TSPAN17: variants seen among roughly 807,000 people sequenced by gnomAD.
TSPAN17 encodes the protein tetraspanin-17.
TSPAN17 carries 33 observed loss-of-function variants against 40.5 expected under a neutral mutation model. The ratio of observed to expected loss-of-function variants is 0.81; its 90% CI spans 0.62 to 1.09. TSPAN17 has a LOEUF of 1.09. Among genes scored for constraint, TSPAN17 ranks in the 50% least tolerant of loss-of-function variants. The pLI is 0.00. For synonymous variants in TSPAN17, 166 were observed against 169.4 expected (o/e 0.98, Z 0.15); for missense variants, 365 against 416.8 (o/e 0.88, Z 1.08).
chr5:176,654,840 G>A lies in TSPAN17; in HGVS notation c.457-55G>A. On this transcript the variant is annotated intron_variant, in intron 4 of 8. Transcript: ENST00000508164. The surrounding 1 kb of genome is among the most constrained non-coding windows in gnomAD (Gnocchi z 4.3). ...GCAGCCTGGGCTTGTTCCCAAACAG[G>A]GTGAGGCTCCTGGGATGGGCCTGGC... is the stretch of plus-strand genomic sequence containing the variant. 6.2e-7 allele frequency: 1 copy of A among 1,601,370 alleles called. No individual in the cohort carries two copies. The highest frequency in any genetic ancestry group is 2.2e-5 in the East Asian group (1 of 44,622).
At chr5:176,657,172 C>T (rs537714468) in intron 8 of TSPAN17, 39 of 622,938 alleles carry the variant, frequency 6.3e-5, no homozygotes, top group Non-Finnish European at 1.0e-4. Context: ...TGCGTGTGTA[C>T]ACACACATGC....
Position 176,647,526 on chromosome 5 carries a change from G to C in TSPAN17, c.-90G>C. ...CCATGAAGCCGCAGCCGCCCGGCTA[G>C]GCCCCGGGCGGCTCTAGCCCAGGGC... On this transcript the variant is annotated 5_prime_UTR_variant, in exon 1 of 9. An upstream open reading frame in the 5' UTR loses its in-frame stop. Coordinates refer to ENST00000508164, the MANE Select transcript of TSPAN17 (RefSeq NM_130465.5). 2.0e-6 allele frequency: 2 copies of C among 1,021,374 alleles called. No homozygotes were observed. The highest frequency in any genetic ancestry group is 2.6e-6 in the Non-Finnish European group (2 of 765,002). The allele number at this position is 1,021,374 out of a possible 1,614,324, so 63.3% of individuals were successfully genotyped here. A position where few individuals can be genotyped will look rare whatever the true frequency, so the allele number is the denominator to read the frequency against.
Position 176,652,724 on chromosome 5 carries a change from T to G in TSPAN17, c.286-19T>G. The G allele has an allele frequency of 6.2e-7, 1 of 1,613,582 alleles. No individual in the cohort carries two copies. The highest frequency in any genetic ancestry group is 8.5e-7 in the Non-Finnish European group (1 of 1,179,590). On this transcript the variant is annotated intron_variant, in intron 3 of 8. Coordinates refer to ENST00000508164, the MANE Select transcript of TSPAN17 (RefSeq NM_130465.5). Reference sequence around the variant, plus strand: ...AGCCCTGCGTTTCCAACCCCTACTGTCTGTATGCCCAACCCCAGTTCTCCG... The same window carrying G: ...AGCCCTGCGTTTCCAACCCCTACTGGCTGTATGCCCAACCCCAGTTCTCCG...
intron 1 of TSPAN17, among the ~76,000 whole-genome samples, chr5:176,649,449 CAG>C (rs1422744124): frequency 1.3e-5 from 2 of 149,512 alleles, no homozygotes; most frequent in East Asian, 1.9e-4. Flanking sequence ...TTTTTTGAGA[CAG>C]AGTTTTGCTC....
intron 5 of TSPAN17, 47 bp from the exon 6 acceptor site, chr5:176,656,031 A>G (rs750804476): frequency 6.3e-7 from 1 of 1,585,536 alleles, no homozygotes; most frequent in Admixed American, 1.7e-5. Flanking sequence ...CATGGACCCC[A>G]TGGGATGCGT....
Position 176,654,889 on chromosome 5 carries a change from C to G in TSPAN17, c.457-6C>G. On this transcript the variant is annotated splice_polypyrimidine_tract_variant and splice_region_variant and intron_variant, in intron 4 of 8. Transcript: ENST00000508164. The surrounding 1 kb of genome is among the most constrained non-coding windows in gnomAD (Gnocchi z 4.3). Reference sequence around the variant, plus strand: ...GCTCACCTGGGGCTCTCCCCTGCCCCCACAGTGGTCTTGCTGCGGAGCCCG... The same window carrying G: ...GCTCACCTGGGGCTCTCCCCTGCCCGCACAGTGGTCTTGCTGCGGAGCCCG... 6.2e-7 allele frequency: 1 copy of G among 1,613,690 alleles called. No homozygotes were observed. The highest frequency in any genetic ancestry group is 8.5e-7 in the Non-Finnish European group (1 of 1,179,812).
rs983334543 is a variant in TSPAN17, at chr5:176,651,528, T to C, written c.88-88T>C. The C allele has an allele frequency of 1.4e-6, 2 of 1,433,484 alleles. No homozygotes were observed. Among genetic ancestry groups the C allele is most frequent in the Non-Finnish European group, 1.9e-6 (2 of 1,067,544 alleles). The allele number at this position is 1,433,484 out of a possible 1,614,324, so 88.8% of individuals were successfully genotyped here. ...CCCTTGTGCCTCTTCCTCTCTCCGC[T>C]GGAAAGGCCCTGGCTACCGGGGAAG... On this transcript the variant is annotated intron_variant, in intron 1 of 8. Coordinates refer to ENST00000508164, the MANE Select transcript of TSPAN17 (RefSeq NM_130465.5). The surrounding 1 kb of genome is among the most constrained non-coding windows in gnomAD (Gnocchi z 4.5).
intron 4 of TSPAN17, chr5:176,653,181 A>C: frequency 2.8e-6 from 1 of 355,416 alleles, no homozygotes; most frequent in East Asian, 4.5e-5. Flanking sequence ...GGCCTACGAC[A>C]CACGGGAGAA....
intron 3 of TSPAN17, 26 bp from the exon 4 acceptor site, chr5:176,652,717 C>T: frequency 1.2e-6 from 2 of 1,612,806 alleles, no homozygotes; most frequent in Non-Finnish European, 1.7e-6. Context: ...GTTTCCAACC[C>T]CTACTGTCTG....
chr5:176,653,013 C>A, intron 4 of TSPAN17, 100 bp downstream of exon 4: 3 of 1,354,982 alleles, frequency 2.2e-6, no homozygotes, highest in South Asian at 1.3e-5. Flanking sequence ...CCTTACCCAC[C>A]TGGGCTAGCG....
At chr5:176,649,007 G>A (rs976906637) in intron 1 of TSPAN17, among the ~76,000 whole-genome samples, 2 of 152,178 alleles carry the variant, frequency 1.3e-5, no homozygotes, top group Admixed American at 1.3e-4. Context: ...TACCGAGGGG[G>A]AGCAGGCGTG....
At position 176,657,499 on chromosome 5, in the gene TSPAN17, T is replaced by A; in HGVS notation, c.810-19T>A. 1.3e-6 allele frequency: 2 copies of A among 1,558,574 alleles called. No homozygotes were observed. The highest frequency in any genetic ancestry group is 1.7e-6 in the Non-Finnish European group (2 of 1,150,026). ...CTGAAATGGGTCCAAGAATTTTCTT[T>A]CTCTTGCTTGCCTCTCAGGAGCAAA... On this transcript the variant is annotated intron_variant, in intron 8 of 8. Coordinates refer to ENST00000508164, the MANE Select transcript of TSPAN17 (RefSeq NM_130465.5).
chr5:176,648,075 C>G (rs1760814272), intron 1 of TSPAN17, among the ~76,000 whole-genome samples: 1 of 152,210 alleles, frequency 6.6e-6, no homozygotes, highest in East Asian at 1.9e-4. Context: ...AAGCCCCACC[C>G]CTGGTTTAGC....
In TSPAN17 at chr5:176,651,571, C is replaced by T; in HGVS notation, c.88-45C>T. The T allele has an allele frequency of 2.5e-6, 4 of 1,583,418 alleles. No individual in the cohort carries two copies. The highest frequency in any genetic ancestry group is 3.4e-6 in the Non-Finnish European group (4 of 1,162,654). On this transcript the variant is annotated intron_variant, in intron 1 of 8. Coordinates refer to ENST00000508164, the MANE Select transcript of TSPAN17 (RefSeq NM_130465.5). The surrounding 1 kb of genome is among the most constrained non-coding windows in gnomAD (Gnocchi z 4.5). ...CGGGGAAGGATGAGGGGGGAGGGTC[C>T]TGGGGCTGCTCCCAGCCCTGAGCTC... is the stretch of plus-strand genomic sequence containing the variant.
chr5:176,657,794 C>T lies in TSPAN17; in HGVS notation c.*96C>T, dbSNP rs571971529. Reference sequence around the variant, plus strand: ...GGCAACACTACCTGGGACACTGCCTCCCCAGTCACCAAGGGCCCCAGCTGG... The same window carrying T: ...GGCAACACTACCTGGGACACTGCCTTCCCAGTCACCAAGGGCCCCAGCTGG... On this transcript the variant is annotated 3_prime_UTR_variant, in exon 9 of 9. Coordinates refer to ENST00000508164, the MANE Select transcript of TSPAN17 (RefSeq NM_130465.5). 1 of 1,510,716 alleles carries T rather than the reference C, an allele frequency of 6.6e-7. No homozygotes were observed. The highest frequency in any genetic ancestry group is 8.8e-7 in the Non-Finnish European group (1 of 1,133,492). The allele number at this position is 1,510,716 out of a possible 1,614,324, so 93.6% of individuals were successfully genotyped here. A position where few individuals can be genotyped will look rare whatever the true frequency, so the allele number is the denominator to read the frequency against.
chr5:176,648,305 G>C (rs560577359), intron 1 of TSPAN17, among the ~76,000 whole-genome samples: 1 of 152,208 alleles, frequency 6.6e-6, no homozygotes, highest in African/African-American at 2.4e-5. Flanking sequence ...GGATCTCCCC[G>C]GTTGAGAGCC....
rs1760962065 is a variant in TSPAN17, at chr5:176,651,529, G to A, written c.88-87G>A. ...CCTTGTGCCTCTTCCTCTCTCCGCTGGAAAGGCCCTGGCTACCGGGGAAGG... is the reference window on the plus strand; with the variant it reads ...CCTTGTGCCTCTTCCTCTCTCCGCTAGAAAGGCCCTGGCTACCGGGGAAGG... On this transcript the variant is annotated intron_variant, in intron 1 of 8. Coordinates refer to ENST00000508164, the MANE Select transcript of TSPAN17 (RefSeq NM_130465.5). The surrounding 1 kb of genome is among the most constrained non-coding windows in gnomAD (Gnocchi z 4.5). 2 of 1,439,890 alleles carry A rather than the reference G, an allele frequency of 1.4e-6. No homozygotes were observed. The highest frequency in any genetic ancestry group is 1.9e-6 in the Non-Finnish European group (2 of 1,071,986). 89.2% of individuals were successfully genotyped at this position (1,439,890 alleles called of 1,614,324 possible).
intron 4 of TSPAN17, 198 bp downstream of exon 4, chr5:176,653,111 T>A: frequency 1.8e-6 from 1 of 545,374 alleles, no homozygotes; most frequent in Non-Finnish European, 3.2e-6. Context: ...CCTAGTGCCA[T>A]AGGGCCACGG....
intron 1 of TSPAN17, among the ~76,000 whole-genome samples, chr5:176,647,973 G>T (rs771510640): frequency 3.0e-4 from 46 of 152,182 alleles, no homozygotes; most frequent in Non-Finnish European, 2.9e-4. Flanking sequence ...GAAAGGGAAG[G>T]TGTTTCCTTG....
Sources: gnomAD v4.1 joint callset for allele counts (sites outside exome capture counted in the v4.1 genomes callset) on GRCh38, gnomAD v4.1.1 for gene constraint, Gnocchi (gnomAD v3.1) non-coding constraint, MANE v1.5 for transcripts, NCBI Gene and HGNC (gene_info 2026-07-23, HGNC 2026-07-21) for gene names.